The following CHCHD6 variants were observed in gnomAD, a reference collection of about 807,000 sequenced individuals.
The protein encoded by CHCHD6 is MICOS complex subunit MIC25.
A neutral mutation model predicts 32.3 loss-of-function variants in CHCHD6; 28 were observed. The observed-to-expected ratio is 0.87, with a 90% confidence interval of 0.64 to 1.19. CHCHD6 has a LOEUF of 1.19. CHCHD6 is among the 50% of genes most tolerant of loss of function. CHCHD6 has a pLI of 0.00. For missense variants in CHCHD6, 333 were observed against 307.0 expected (o/e 1.08, Z -0.63); for synonymous variants, 122 against 117.5 (o/e 1.04, Z -0.25).
At chr3:126,927,346 C>G (rs571716542) in intron 6 of CHCHD6, among the ~76,000 whole-genome samples, 1 of 152,182 alleles carries the variant, frequency 6.6e-6, no homozygotes, top group African/African-American at 2.4e-5. Context: ...AGTGCCCAAA[C>G]GAGGGGGCAC....
intron 4 of CHCHD6, among the ~76,000 whole-genome samples, chr3:126,743,520 A>G (rs938146323): frequency 4.6e-5 from 7 of 151,868 alleles, no homozygotes; most frequent in South Asian, 2.1e-4. Flanking sequence ...AGCAGATCGC[A>G]TGTCTCTGAA....
At chr3:126,728,992 GAAATTA>G (rs996585565) in intron 2 of CHCHD6, among the ~76,000 whole-genome samples, 91 of 152,176 alleles carry the variant, frequency 6.0e-4, no homozygotes, top group African/African-American at 2.1e-3. Flanking sequence ...GTTAGAAAAA[GAAATTA>G]AAATTAAATT....
chr3:126,881,602 A>G (rs569784871), intron 5 of CHCHD6, among the ~76,000 whole-genome samples: 6 of 152,338 alleles, frequency 3.9e-5, no homozygotes, highest in African/African-American at 1.4e-4. Flanking sequence ...TTGCATCTCA[A>G]GATTGCTGTA....
chr3:126,751,432 G>T (rs1576371912), intron 4 of CHCHD6, among the ~76,000 whole-genome samples: 1 of 150,174 alleles, frequency 6.7e-6, no homozygotes, highest in East Asian at 2.0e-4. Context: ...AGCCTTGGAG[G>T]TCGAGGTTGC....
intron 4 of CHCHD6, among the ~76,000 whole-genome samples, chr3:126,825,535 C>T (rs1385519369): frequency 2.6e-5 from 4 of 152,082 alleles, no homozygotes; most frequent in East Asian, 1.9e-4. Flanking sequence ...TTTGTCCATC[C>T]GTTCTGTCAA....
chr3:126,843,320 G>C (rs1941176409), intron 4 of CHCHD6, among the ~76,000 whole-genome samples: 1 of 151,988 alleles, frequency 6.6e-6, no homozygotes, highest in African/African-American at 2.4e-5. Flanking sequence ...TTTCTATTAA[G>C]GATTTTTACA....
intron 1 of CHCHD6, among the ~76,000 whole-genome samples, chr3:126,714,718 T>A (rs188529049): frequency 6.6e-6 from 1 of 152,292 alleles, no homozygotes; most frequent in Admixed American, 6.5e-5. Flanking sequence ...TTCCTCGTTT[T>A]CCAGTGCCTA....
At chr3:126,812,651 C>T (rs924493219) in intron 4 of CHCHD6, among the ~76,000 whole-genome samples, 3 of 151,698 alleles carry the variant, frequency 2.0e-5, no homozygotes, top group African/African-American at 7.3e-5. Context: ...AGGCTGGTCT[C>T]GAACTCCTGA....
intron 4 of CHCHD6, among the ~76,000 whole-genome samples, chr3:126,748,030 C>T (rs1936573460): frequency 6.6e-6 from 1 of 152,112 alleles, no homozygotes; most frequent in South Asian, 2.1e-4. Flanking sequence ...CCTCACCGCC[C>T]TCTCCTCCTT....
intron 1 of CHCHD6, among the ~76,000 whole-genome samples, chr3:126,713,227 A>C (rs1489666381): frequency 6.6e-6 from 1 of 152,180 alleles, no homozygotes; most frequent in Non-Finnish European, 1.5e-5. Context: ...CATTAAATGC[A>C]GACAGTTAAA....
At chr3:126,851,350 C>T (rs960751134) in intron 4 of CHCHD6, among the ~76,000 whole-genome samples, 4 of 152,306 alleles carry the variant, frequency 2.6e-5, no homozygotes, top group Admixed American at 2.6e-4. Flanking sequence ...TGATTCAAAC[C>T]CATGTGCTGA....
chr3:126,843,024 T>G (rs1941161609), intron 4 of CHCHD6, among the ~76,000 whole-genome samples: 1 of 152,062 alleles, frequency 6.6e-6, no homozygotes, highest in Non-Finnish European at 1.5e-5. Flanking sequence ...CCTTCAATAT[T>G]ACACCAATAA....
At position 126,729,409 on chromosome 3, in the gene CHCHD6, AG is replaced by A. The variant is rs751692796; in HGVS notation, c.197-1149del. On this transcript the variant is annotated intron_variant, in intron 2 of 7. Transcript: ENST00000290913. The stretch of plus-strand genomic sequence containing the variant: ...GGGGAGCGGGCAGGGGCACACAGAA[AG>A]GGCAGTGAGGATGAGTGCCACATGC... Among the ~76,000 whole-genome samples the A allele has an allele frequency of 1.8e-4, 28 of 152,210 alleles. 1 individual carries two copies. Among genetic ancestry groups the A allele is most frequent in the Non-Finnish European group, 2.9e-4 (20 of 68,046 alleles).
chr3:126,720,999 C>G (rs1935261430), intron 1 of CHCHD6, among the ~76,000 whole-genome samples: 1 of 152,238 alleles, frequency 6.6e-6, no homozygotes, highest in Non-Finnish European at 1.5e-5. Flanking sequence ...GGATCTGCTG[C>G]CTTCTTAGAA....
At chr3:126,788,404 C>T (rs977212640) in intron 4 of CHCHD6, among the ~76,000 whole-genome samples, 3 of 152,130 alleles carry the variant, frequency 2.0e-5, no homozygotes, top group Non-Finnish European at 2.9e-5. Flanking sequence ...GGAATGGTAC[C>T]AGCTCCTCCT....
At chr3:126,916,397 T>C (rs1477129352) in intron 6 of CHCHD6, among the ~76,000 whole-genome samples, 5 of 47,070 alleles carry the variant, frequency 1.1e-4, no homozygotes, top group Admixed American at 7.4e-4. Context: ...TGAGAATCCA[T>C]CTTAAAAAAA....
chr3:126,789,040 T>G (rs1434239170), intron 4 of CHCHD6, among the ~76,000 whole-genome samples: 4 of 152,216 alleles, frequency 2.6e-5, no homozygotes, highest in Non-Finnish European at 5.9e-5. Context: ...CTCATTGGTT[T>G]CAAAGGACAT....
chr3:126,830,060 T>C (rs774754391), intron 4 of CHCHD6, among the ~76,000 whole-genome samples: 1 of 152,158 alleles, frequency 6.6e-6, no homozygotes, highest in African/African-American at 2.4e-5. Context: ...ATCGCACCAC[T>C]GCACTCCAGC....
chr3:126,896,886 C>T (rs541600498), intron 5 of CHCHD6, among the ~76,000 whole-genome samples: 2 of 152,318 alleles, frequency 1.3e-5, no homozygotes, highest in African/African-American at 4.8e-5. Flanking sequence ...GGGCCCTCAC[C>T]TCCTAAGACT....
Sources: gnomAD v4.1 joint callset for allele counts (sites outside exome capture counted in the v4.1 genomes callset) on GRCh38, gnomAD v4.1.1 for gene constraint, MANE v1.5 for transcripts, NCBI Gene and HGNC (gene_info 2026-07-23, HGNC 2026-07-21) for gene names.